Variants in UGGT2 observed in about 807,000 individuals in gnomAD.
The protein encoded by UGGT2 is UDP-glucose glycoprotein glucosyltransferase 2.
UGGT2 carries 180 observed loss-of-function variants against 192.1 expected under a neutral mutation model. The ratio of observed to expected loss-of-function variants is 0.94; its 90% confidence interval spans 0.83 to 1.06. The LOEUF is 1.06. Ranked by LOEUF, UGGT2 falls within the 50% of genes least tolerant of loss-of-function variation. The probability of loss-of-function intolerance (pLI) is 0.00; values close to 1 mark genes in which losing one functional copy is unlikely to be tolerated. For missense variants in UGGT2, 1,849 were observed against 1,795.7 expected (o/e 1.03, Z -0.54); for synonymous variants, 580 against 591.0 (o/e 0.98, Z 0.27).
rs569251689 is a variant in UGGT2, at chr13:95,930,831, C to T, written c.1978-3495G>A. ...TGTTCAGATGTGTTCGGGGTTTTCT[C>T]CTTCTGGTGGGTTGGTGGTCTCGCT... On this transcript the variant is annotated intron_variant, in intron 17 of 38. Coordinates refer to ENST00000376747, the MANE Select transcript of UGGT2 (RefSeq NM_020121.4). Among the ~76,000 whole-genome samples, 185 of 152,194 alleles carry T rather than the reference C, an allele frequency of 1.2e-3. 1 individual carries two copies. Among genetic ancestry groups the T allele is most frequent in the African/African-American group, 4.3e-3 (178 of 41,516 alleles).
At chr13:95,954,659 G>A (rs372540732) in intron 12 of UGGT2, among the ~76,000 whole-genome samples, 6 of 152,160 alleles carry the variant, frequency 3.9e-5, no homozygotes, top group African/African-American at 1.4e-4. Context: ...TAACCTGGAA[G>A]GCACCTGCTT....
chr13:95,912,393 T>A (rs887406853), intron 20 of UGGT2, among the ~76,000 whole-genome samples: 42 of 152,146 alleles, frequency 2.8e-4, no homozygotes, highest in Admixed American at 1.3e-3. Flanking sequence ...GCAAAGTCTC[T>A]GGATACAAAA....
At chr13:96,029,280 G>A (rs1167896085) in intron 2 of UGGT2, among the ~76,000 whole-genome samples, 1 of 152,032 alleles carries the variant, frequency 6.6e-6, no homozygotes, top group African/African-American at 2.4e-5. Context: ...TATATTTTAA[G>A]TGTTATTTAT....
chr13:96,015,147 A>C (rs2139080204), intron 4 of UGGT2, among the ~76,000 whole-genome samples: 1 of 151,928 alleles, frequency 6.6e-6, no homozygotes, highest in African/African-American at 2.4e-5. Flanking sequence ...GCGTGGTGGC[A>C]GACGCCTGTA....
At chr13:95,915,988 G>T (rs1396091528) in intron 20 of UGGT2, among the ~76,000 whole-genome samples, 1 of 152,202 alleles carries the variant, frequency 6.6e-6, no homozygotes, top group Admixed American at 6.5e-5. Flanking sequence ...GCTCTGGAGA[G>T]TCCAAACAGT....
intron 1 of UGGT2, among the ~76,000 whole-genome samples, chr13:96,039,123 A>G (rs1261850805): frequency 6.6e-6 from 1 of 152,110 alleles, no homozygotes; most frequent in Non-Finnish European, 1.5e-5. Flanking sequence ...AAGCCTGAGA[A>G]TAACTCTCTG....
At chr13:95,984,407 T>C (rs1405624598) in intron 9 of UGGT2, among the ~76,000 whole-genome samples, 1 of 152,170 alleles carries the variant, frequency 6.6e-6, no homozygotes, top group African/African-American at 2.4e-5. Flanking sequence ...CAACTCACTG[T>C]AGTCTCGGGT....
chr13:95,831,723 C>T (rs1886711379), intron 38 of UGGT2, among the ~76,000 whole-genome samples: 1 of 151,948 alleles, frequency 6.6e-6, no homozygotes, highest in Non-Finnish European at 1.5e-5. Context: ...TGCTAACTTT[C>T]CAACATTCTC....
At chr13:95,897,950 C>G (rs531075329) in intron 22 of UGGT2, among the ~76,000 whole-genome samples, 1 of 152,078 alleles carries the variant, frequency 6.6e-6, no homozygotes, top group Non-Finnish European at 1.5e-5. Flanking sequence ...TATACTGCTC[C>G]TGACAACCTC....
chr13:95,902,841 AATAG>A lies in UGGT2; in HGVS notation c.2502+9_2502+12del. 6.2e-7 allele frequency: 1 copy of A among 1,605,812 alleles called. No homozygotes were observed. The highest frequency in any genetic ancestry group is 2.2e-5 in the East Asian group (1 of 44,724). ...CAATACATACATATTTAATATTTCA[AATAG>A]CTACTGACCTCAATAAGGAATGTTT... is the stretch of plus-strand genomic sequence containing the variant. On this transcript the variant is annotated intron_variant, in intron 21 of 38. Coordinates refer to ENST00000376747, the MANE Select transcript of UGGT2 (RefSeq NM_020121.4).
intron 12 of UGGT2, among the ~76,000 whole-genome samples, chr13:95,953,811 G>T (rs188341586): frequency 6.6e-6 from 1 of 152,140 alleles, no homozygotes; most frequent in African/African-American, 2.4e-5. Flanking sequence ...CTGTCAGAAG[G>T]GGGTAGTGTT....
chr13:95,964,011 C>T (rs1254273393), intron 12 of UGGT2, among the ~76,000 whole-genome samples: 3 of 152,018 alleles, frequency 2.0e-5, no homozygotes, highest in South Asian at 4.2e-4. Context: ...TCGTATGGAA[C>T]CAAACAAGAA....
At position 95,859,686 on chromosome 13, in the gene UGGT2, G is replaced by T; in HGVS notation, c.3741-11C>A. ...GAAAGCATCATAATTCTGTATAAAA[G>T]AATATTAAACCCAATATACATTAAC... is the stretch of plus-strand genomic sequence containing the variant. On this transcript the variant is annotated splice_polypyrimidine_tract_variant and intron_variant, in intron 32 of 38. Transcript: ENST00000376747. 1 of 1,595,666 alleles carries T rather than the reference G, an allele frequency of 6.3e-7. No individual in the cohort carries two copies. Among genetic ancestry groups the T allele is most frequent in the South Asian group, 1.1e-5 (1 of 88,270 alleles).
At chr13:95,838,141 CT>C (rs1887500884) in intron 36 of UGGT2, among the ~76,000 whole-genome samples, 1 of 152,192 alleles carries the variant, frequency 6.6e-6, no homozygotes, top group Admixed American at 6.5e-5. Flanking sequence ...CAAAAGTCAA[CT>C]GCTTTTCTAT....
intron 12 of UGGT2, among the ~76,000 whole-genome samples, chr13:95,963,238 G>A (rs934831027): frequency 1.3e-5 from 2 of 151,792 alleles, no homozygotes; most frequent in African/African-American, 2.4e-5. Flanking sequence ...AGAGATGCAA[G>A]GATAGTTCAA....
At chr13:95,882,645 C>G (rs1263213080) in intron 27 of UGGT2, among the ~76,000 whole-genome samples, 1 of 152,120 alleles carries the variant, frequency 6.6e-6, no homozygotes, top group African/African-American at 2.4e-5. Flanking sequence ...AGGAAATTTT[C>G]CTTCATCCTA....
chr13:95,863,779 A>G, intron 30 of UGGT2, 65 bp from the exon 31 acceptor site: 1 of 1,292,856 alleles, frequency 7.7e-7, no homozygotes, highest in South Asian at 1.2e-5. Flanking sequence ...ATGGTTAGAA[A>G]GTGAAACATA....
chr13:95,949,600 C>T, intron 12 of UGGT2, 146 bp from the exon 13 acceptor site: 1 of 810,280 alleles, frequency 1.2e-6, no homozygotes, highest in Non-Finnish European at 1.7e-6. Context: ...TTAATATTCT[C>T]TAAATTAAGG....
intron 38 of UGGT2, among the ~76,000 whole-genome samples, chr13:95,828,717 C>A (rs1886317719): frequency 6.6e-6 from 1 of 152,106 alleles, no homozygotes; most frequent in Admixed American, 6.5e-5. Flanking sequence ...CAGACGGATT[C>A]ACAGTCCTAT....
Sources: gnomAD v4.1 joint callset for allele counts (sites outside exome capture counted in the v4.1 genomes callset) on GRCh38, gnomAD v4.1.1 for gene constraint, MANE v1.5 for transcripts, NCBI Gene and HGNC (gene_info 2026-07-23, HGNC 2026-07-21) for gene names.